Variants in JPT2 observed in about 807,000 individuals in gnomAD.
JPT2 encodes CRAMP_1 like.
Under a neutral mutation model 15.9 loss-of-function variants are expected in JPT2, and 9 were observed. That is an observed-to-expected ratio of 0.57 (90% CI 0.34 to 0.99). The LOEUF (loss-of-function observed/expected upper bound fraction) is 0.99, where lower values mean the gene tolerates loss of function less well. JPT2 is among the 50% of genes least tolerant of loss of function. JPT2 has a pLI of 0.02. For missense variants in JPT2, 267 were observed against 252.1 expected (o/e 1.06, Z -0.40); for synonymous variants, 95 against 91.7 (o/e 1.04, Z -0.21).
At chr16:1,683,198 G>A (rs1176896007) in intron 1 of JPT2, among the ~76,000 whole-genome samples, 4 of 152,024 alleles carry the variant, frequency 2.6e-5, no homozygotes, top group Non-Finnish European at 4.4e-5. Context: ...GGATGGTCTC[G>A]ATCTCCTGAC....
rs914971065 is a variant in JPT2 at position 1,698,449 on chromosome 16, C to A, written c.386-362C>A. ...TGCCTTTGCCTTGCTAAGCCCTCACCTAGGATGCATTCCCTCGCCGCCTCA... is the reference window on the plus strand; with the variant it reads ...TGCCTTTGCCTTGCTAAGCCCTCACATAGGATGCATTCCCTCGCCGCCTCA... On this transcript the variant is annotated intron_variant, in intron 4 of 4. Coordinates refer to ENST00000248098, the MANE Select transcript of JPT2 (RefSeq NM_144570.3). The surrounding 1 kb of genome is among the most constrained non-coding windows in gnomAD (Gnocchi z 4.9). Among the ~76,000 whole-genome samples the A allele has an allele frequency of 6.6e-6, 1 of 152,204 alleles. No individual in the cohort carries two copies. The highest frequency in any genetic ancestry group is 1.5e-5 in the Non-Finnish European group (1 of 68,030).
chr16:1,682,909 A>C (rs2037035100), intron 1 of JPT2, among the ~76,000 whole-genome samples: 1 of 152,106 alleles, frequency 6.6e-6, no homozygotes, highest in Non-Finnish European at 1.5e-5. Context: ...TCCTGGGCTC[A>C]AGCCAGCCTT....
Position 1,700,314 on chromosome 16 carries a change from C to T in JPT2, c.*1316C>T, listed in dbSNP as rs898208661. 2.7e-6 allele frequency: 1 copy of T among 374,726 alleles called. No homozygotes were observed. Among genetic ancestry groups the T allele is most frequent in the African/African-American group, 2.1e-5 (1 of 48,006 alleles). 23.2% of individuals were successfully genotyped at this position (374,726 alleles called of 1,614,324 possible). A position where few individuals can be genotyped will look rare whatever the true frequency, so the allele number is the denominator to read the frequency against. On this transcript the variant is annotated 3_prime_UTR_variant, in exon 5 of 5. Coordinates refer to ENST00000248098, the MANE Select transcript of JPT2 (RefSeq NM_144570.3). ...GGTGCTTTCATCTTCAGGCAGAAGCCTCTGCCCATCCCCCTCAAGGGCTGC... is the reference window on the plus strand; with the variant it reads ...GGTGCTTTCATCTTCAGGCAGAAGCTTCTGCCCATCCCCCTCAAGGGCTGC...
intron 3 of JPT2, among the ~76,000 whole-genome samples, chr16:1,694,298 T>G (rs2037125646): frequency 1.3e-5 from 2 of 152,310 alleles, no homozygotes; most frequent in African/African-American, 4.8e-5. Flanking sequence ...TGACGCTGTT[T>G]CGTCAAAAAA....
intron 1 of JPT2, among the ~76,000 whole-genome samples, chr16:1,683,949 C>T (rs2142221433): frequency 6.6e-6 from 1 of 152,252 alleles, no homozygotes; most frequent in Admixed American, 6.5e-5. Flanking sequence ...ATGTGTAAGT[C>T]CTTGATATAA....
At chr16:1,683,271 T>A (rs574994116) in intron 1 of JPT2, among the ~76,000 whole-genome samples, 1 of 150,626 alleles carries the variant, frequency 6.6e-6, no homozygotes, top group South Asian at 2.1e-4. Context: ...CCACCACGCC[T>A]GGCCTTATTT....
chr16:1,681,313 G>C (rs2037021183), intron 1 of JPT2, among the ~76,000 whole-genome samples: 1 of 152,192 alleles, frequency 6.6e-6, no homozygotes, highest in Non-Finnish European at 1.5e-5. Context: ...TTGCCTTTGT[G>C]ACCGAGATAG....
chr16:1,692,903 A>G (rs759197543), intron 3 of JPT2, among the ~76,000 whole-genome samples: 2 of 152,198 alleles, frequency 1.3e-5, no homozygotes, highest in Non-Finnish European at 2.9e-5. Context: ...AAGATGGCCC[A>G]TTGCAGAATT....
intron 2 of JPT2, chr16:1,689,509 G>A (rs960564948): frequency 6.6e-6 from 1 of 152,100 alleles, no homozygotes; most frequent in Non-Finnish European, 1.5e-5. Flanking sequence ...CTGTCACCCA[G>A]GCTACAGTGC....
At chr16:1,693,536 G>A (rs539183408) in intron 3 of JPT2, among the ~76,000 whole-genome samples, 33 of 152,264 alleles carry the variant, frequency 2.2e-4, no homozygotes, top group Admixed American at 1.6e-3. Flanking sequence ...CGAATTAGCC[G>A]GACACGAGAG....
intron 1 of JPT2, among the ~76,000 whole-genome samples, chr16:1,680,818 A>C (rs2037016681): frequency 6.6e-6 from 1 of 152,174 alleles, no homozygotes; most frequent in Admixed American, 6.5e-5. Context: ...TTTATTTCTC[A>C]CTGCTTCTCT....
At chr16:1,688,165 A>G (rs2037081140) in intron 2 of JPT2, among the ~76,000 whole-genome samples, 1 of 152,264 alleles carries the variant, frequency 6.6e-6, no homozygotes, top group African/African-American at 2.4e-5. Flanking sequence ...GGTGTTCGCT[A>G]TAACTAGGAG....
At chr16:1,685,707 A>G in intron 2 of JPT2, 120 bp downstream of exon 2, 1 of 1,094,524 alleles carries the variant, frequency 9.1e-7, no homozygotes. Context: ...ACTTGTTATC[A>G]GAGTTCTTCC....
chr16:1,683,092 C>G (rs993476919), intron 1 of JPT2, among the ~76,000 whole-genome samples: 3 of 152,106 alleles, frequency 2.0e-5, no homozygotes, highest in Non-Finnish European at 2.9e-5. Context: ...TTCTCCTGCC[C>G]CAGCCTCCTG....
At chr16:1,687,601 G>A (rs962944516) in intron 2 of JPT2, among the ~76,000 whole-genome samples, 1 of 152,134 alleles carries the variant, frequency 6.6e-6, no homozygotes, top group African/African-American at 2.4e-5. Context: ...GTTCCACATG[G>A]TCTCATGCCC....
At position 1,701,887 on chromosome 16, in the gene JPT2, T is replaced by A. The variant is rs534002507; in HGVS notation, c.*2889T>A. 2 of 292,564 alleles carry A rather than the reference T, an allele frequency of 6.8e-6. No homozygotes were observed. The highest frequency in any genetic ancestry group is 4.4e-5 in the African/African-American group (2 of 45,940). The allele number at this position is 292,564 out of a possible 1,614,324, so 18.1% of individuals were successfully genotyped here. On this transcript the variant is annotated 3_prime_UTR_variant, in exon 5 of 5. Transcript: ENST00000248098. The stretch of plus-strand genomic sequence containing the variant: ...CCCTGTCTATACAAAAAAAAACTTC[T>A]CTAAATTAGCCGGATGTGGTGGTGC...
chr16:1,685,648 TC>T, intron 2 of JPT2, 61 bp downstream of exon 2: 1 of 1,540,724 alleles, frequency 6.5e-7, no homozygotes, highest in Middle Eastern at 1.7e-4. Flanking sequence ...GAAAATATTT[TC>T]TGTTTCTTTA....
chr16:1,690,979 G>A (rs887817382), intron 2 of JPT2, among the ~76,000 whole-genome samples: 1 of 152,190 alleles, frequency 6.6e-6, no homozygotes, highest in Non-Finnish European at 1.5e-5. Context: ...GAAAGGCCAA[G>A]TAACTTCCAT....
At chr16:1,695,509 C>A (rs11864845) in intron 3 of JPT2, among the ~76,000 whole-genome samples, 78 of 151,736 alleles carry the variant, frequency 5.1e-4, no homozygotes, top group Middle Eastern at 3.4e-3. Context: ...TTGTTCAAGG[C>A]TGCAGAGAGC....
Sources: gnomAD v4.1 joint callset for allele counts (sites outside exome capture counted in the v4.1 genomes callset) on GRCh38, gnomAD v4.1.1 for gene constraint, Gnocchi (gnomAD v3.1) non-coding constraint, MANE v1.5 for transcripts, NCBI Gene and HGNC (gene_info 2026-07-23, HGNC 2026-07-21) for gene names.